CPNE4: variants seen among roughly 807,000 people sequenced by gnomAD.
CPNE4 encodes the protein copine-4.
CPNE4 carries 25 observed loss-of-function variants against 67.9 expected under a neutral mutation model. The ratio of observed to expected loss-of-function variants is 0.37; its 90% confidence interval spans 0.27 to 0.51. The LOEUF is 0.51. Among genes scored for constraint, CPNE4 ranks in the 20% least tolerant of loss-of-function variants. The probability of loss-of-function intolerance (pLI) is 0.93; values close to 1 mark genes in which losing one functional copy is unlikely to be tolerated. For missense variants in CPNE4, 464 were observed against 690.8 expected, an observed-to-expected ratio of 0.67 and a Z score of 3.68; for synonymous variants, 242 against 244.9, an observed-to-expected ratio of 0.99 and a Z score of 0.11.
intron 2 of CPNE4, among the ~76,000 whole-genome samples, chr3:131,871,754 C>T (rs1308982541): frequency 2.0e-5 from 3 of 152,204 alleles, no homozygotes; most frequent in East Asian, 3.8e-4. Context: ...TAATGAGCTA[C>T]TGGTAATCTT....
intron 2 of CPNE4, among the ~76,000 whole-genome samples, chr3:131,789,606 C>T (rs543055239): frequency 2.6e-5 from 4 of 152,280 alleles, no homozygotes; most frequent in East Asian, 3.9e-4. Flanking sequence ...AATACCAGTA[C>T]ATGCTGCACA....
chr3:131,684,637 T>C (rs1267041050), intron 6 of CPNE4, among the ~76,000 whole-genome samples: 2 of 152,200 alleles, frequency 1.3e-5, no homozygotes, highest in South Asian at 4.1e-4. Context: ...TTTGGGGATA[T>C]AGCAACCACA....
At position 131,587,468 on chromosome 3, in the gene CPNE4, G is replaced by C; in HGVS notation, c.780+16C>G. On this transcript the variant is annotated intron_variant, in intron 8 of 15. Coordinates refer to ENST00000429747, the MANE Select transcript of CPNE4 (RefSeq NM_130808.3). Reference sequence around the variant, plus strand: ...ATACCGACTGGAGGCAAAACCAAAAGTGGTTGACCATGTACCTGTTTCCCT... The same window carrying C: ...ATACCGACTGGAGGCAAAACCAAAACTGGTTGACCATGTACCTGTTTCCCT... The C allele has an allele frequency of 6.3e-7, 1 of 1,599,982 alleles. No individual in the cohort carries two copies. Among genetic ancestry groups the C allele is most frequent in the Non-Finnish European group, 8.6e-7 (1 of 1,167,542 alleles).
intron 2 of CPNE4, among the ~76,000 whole-genome samples, chr3:131,783,590 A>G (rs879204720): frequency 6.6e-6 from 1 of 151,808 alleles, no homozygotes. Context: ...TTTTTTTGTG[A>G]TACCATTTTT....
In CPNE4 at chr3:131,853,895, T is replaced by C. The variant is rs376805482; in HGVS notation, c.180+51369A>G. Among the ~76,000 whole-genome samples, 29 of 151,988 alleles carry C rather than the reference T, an allele frequency of 1.9e-4. No homozygotes were observed. The East Asian group carries it at 3.1e-3, about 16-fold the overall frequency. On this transcript the variant is annotated intron_variant, in intron 2 of 15. Transcript: ENST00000429747. ...GAAAAACACTGACAATATCAAATGC[T>C]GGCATGCATGTAGAGCAACTGGAAA... is the stretch of plus-strand genomic sequence containing the variant.
chr3:131,894,347 G>A (rs368845291), intron 2 of CPNE4, among the ~76,000 whole-genome samples: 10 of 151,840 alleles, frequency 6.6e-5, no homozygotes, highest in Admixed American at 2.0e-4. Flanking sequence ...AAAAGCACAA[G>A]AGAAAAAAGC....
chr3:131,543,069 T>G, intron 14 of CPNE4: 1 of 374,116 alleles, frequency 2.7e-6, no homozygotes, highest in Non-Finnish European at 4.9e-6. Flanking sequence ...GAGGACAGGC[T>G]TCAAAGCCTC....
At chr3:131,869,687 A>G (rs2087113103) in intron 2 of CPNE4, among the ~76,000 whole-genome samples, 1 of 152,216 alleles carries the variant, frequency 6.6e-6, no homozygotes, top group South Asian at 2.1e-4. Flanking sequence ...TTATTTTTTC[A>G]CAGCACAATC....
At chr3:131,910,658 T>A (rs1324167811) in intron 1 of CPNE4, among the ~76,000 whole-genome samples, 1 of 152,122 alleles carries the variant, frequency 6.6e-6, no homozygotes. Flanking sequence ...AACTCTTAGA[T>A]TTGCTGCTTC....
rs557849612 is a variant in CPNE4 at position 131,744,734 on chromosome 3, A to G, written c.181-21109T>C. On this transcript the variant is annotated intron_variant, in intron 2 of 15. Transcript: ENST00000429747. The stretch of plus-strand genomic sequence containing the variant: ...TTTTATTACTCAACATAATTCTCTG[A>G]AGATTCATCCAGGTTGTTGTGTGTA... Among the ~76,000 whole-genome samples the G allele has an allele frequency of 3.9e-5, 6 of 152,328 alleles. No homozygotes were observed. In the South Asian group the frequency reaches 1.0e-3, roughly 26 times the overall value.
intron 2 of CPNE4, among the ~76,000 whole-genome samples, chr3:131,733,766 G>C (rs1044128513): frequency 6.6e-6 from 1 of 152,126 alleles, no homozygotes; most frequent in African/African-American, 2.4e-5. Context: ...TTATTAACAG[G>C]ATGTTCCCAC....
At chr3:131,634,010 T>G (rs552852023) in intron 7 of CPNE4, among the ~76,000 whole-genome samples, 2 of 152,310 alleles carry the variant, frequency 1.3e-5, no homozygotes, top group South Asian at 4.1e-4. Flanking sequence ...GAACAAATTT[T>G]TAAGAATAGA....
At chr3:132,026,371 G>C (rs759698684) in intron 1 of CPNE4, among the ~76,000 whole-genome samples, 1 of 152,142 alleles carries the variant, frequency 6.6e-6, no homozygotes, top group African/African-American at 2.4e-5. Context: ...ACAATGCAGG[G>C]GCTGAAGCAT....
In CPNE4 at chr3:132,031,611, C is replaced by T. The variant is rs1240818916; in HGVS notation, c.-2+2956G>A. Among the ~76,000 whole-genome samples the T allele has an allele frequency of 4.6e-5, 7 of 152,140 alleles. No individual in the cohort carries two copies. The East Asian group carries it at 1.3e-3, about 29-fold the overall frequency. On this transcript the variant is annotated intron_variant, in intron 1 of 15. Transcript: ENST00000429747. ...ACACACAACACTGACGGCTCATCTT[C>T]AATAAGTTCATCTCTAAATGAAAAG...
chr3:131,584,783 T>G (rs925579138), intron 8 of CPNE4, among the ~76,000 whole-genome samples: 3 of 152,234 alleles, frequency 2.0e-5, no homozygotes, highest in African/African-American at 7.2e-5. Context: ...ATTTGAAATG[T>G]GGCTAGCATG....
intron 2 of CPNE4, among the ~76,000 whole-genome samples, chr3:131,832,172 C>A (rs113788463): frequency 6.6e-6 from 1 of 152,106 alleles, no homozygotes; most frequent in Non-Finnish European, 1.5e-5. Flanking sequence ...TTATAGAAGT[C>A]TTATATAGCA....
At chr3:131,569,146 C>T (rs192221447) in intron 10 of CPNE4, among the ~76,000 whole-genome samples, 146 of 152,070 alleles carry the variant, frequency 9.6e-4, no homozygotes, top group African/African-American at 3.4e-3. Context: ...AATGGCAAAG[C>T]ATTTGCCTCT....
intron 2 of CPNE4, among the ~76,000 whole-genome samples, chr3:131,734,522 A>G (rs2082194343): frequency 6.6e-6 from 1 of 152,158 alleles, no homozygotes; most frequent in Non-Finnish European, 1.5e-5. Context: ...TGTCACATGT[A>G]TGTCATTCCT....
intron 2 of CPNE4, among the ~76,000 whole-genome samples, chr3:131,773,271 T>C (rs1370454740): frequency 6.6e-6 from 1 of 152,176 alleles, no homozygotes; most frequent in Non-Finnish European, 1.5e-5. Flanking sequence ...GACATACCTG[T>C]TTTATTTTAA....
Sources: gnomAD v4.1 joint callset for allele counts (sites outside exome capture counted in the v4.1 genomes callset) on GRCh38, gnomAD v4.1.1 for gene constraint, MANE v1.5 for transcripts, NCBI Gene and HGNC (gene_info 2026-07-23, HGNC 2026-07-21) for gene names.